The following SETDB2 variants were observed in gnomAD, a reference collection of about 807,000 sequenced individuals.
The protein encoded by SETDB2 is histone-lysine N-methyltransferase SETDB2.
Under a neutral mutation model 82.5 loss-of-function variants are expected in SETDB2, and 56 were observed. The ratio of observed to expected loss-of-function variants is 0.68; its 90% confidence interval spans 0.55 to 0.85. The LOEUF is 0.85. SETDB2 is among the 40% of genes least tolerant of loss of function. The pLI is 0.00. For synonymous variants in SETDB2, 272 were observed against 284.9 expected (o/e 0.95, Z 0.46); for missense variants, 677 against 816.4 (o/e 0.83, Z 2.08).
chr13:49,464,522 C>CT (rs1401730369), intron 4 of SETDB2, among the ~76,000 whole-genome samples: 1 of 152,038 alleles, frequency 6.6e-6, no homozygotes, highest in East Asian at 1.9e-4. Context: ...TCTGAAGAAC[C>CT]TTTTTTTCCG....
rs979277552 is a variant in SETDB2, at chr13:49,494,164, G to C, written c.*2315G>C. The C allele has an allele frequency of 1.3e-5, 2 of 151,700 alleles. No individual in the cohort carries two copies. Among genetic ancestry groups the C allele is most frequent in the Admixed American group, 6.6e-5 (1 of 15,238 alleles). 9.4% of individuals were successfully genotyped at this position (151,700 alleles called of 1,614,324 possible). A position where few individuals can be genotyped will look rare whatever the true frequency, so the allele number is the denominator to read the frequency against. On this transcript the variant is annotated 3_prime_UTR_variant, in exon 14 of 14. Coordinates refer to ENST00000611815, the MANE Select transcript of SETDB2 (RefSeq NM_001160308.3). ...TCATCTGTTGCATTTTATTTTTCTA[G>C]TCTCATATTGTCTCATATTTTTAAT... is the stretch of plus-strand genomic sequence containing the variant.
chr13:49,494,993 T>G lies in SETDB2; in HGVS notation c.*3144T>G, dbSNP rs1343609765. On this transcript the variant is annotated 3_prime_UTR_variant, in exon 14 of 14. Transcript: ENST00000611815. The stretch of plus-strand genomic sequence containing the variant: ...TGGGTGCTAAATAAAGGCTTGCTAC[T>G]GGCAACTGGATTTAGGATCGGCTAA... The G allele has an allele frequency of 6.6e-6, 1 of 152,108 alleles. No homozygotes were observed. Among genetic ancestry groups the G allele is most frequent in the African/African-American group, 2.4e-5 (1 of 41,430 alleles). The allele number at this position is 152,108 out of a possible 1,614,324, so 9.4% of individuals were successfully genotyped here.
intron 11 of SETDB2, among the ~76,000 whole-genome samples, chr13:49,486,296 C>A (rs1386385673): frequency 1.1e-4 from 10 of 93,784 alleles, no homozygotes; most frequent in African/African-American, 2.6e-4. Context: ...AGAACAAGAC[C>A]CTGTCTCAAA....
At position 49,488,507 on chromosome 13, in the gene SETDB2, T is replaced by G. The variant is rs745358249; in HGVS notation, c.1794T>G (p.Phe598Leu). 3.1e-6 allele frequency: 5 copies of G among 1,614,022 alleles called. No individual in the cohort carries two copies. Among genetic ancestry groups the G allele is most frequent in the Non-Finnish European group, 4.2e-6 (5 of 1,180,016 alleles). ...CAGCATGTCAAAGACAGCAGGTATT[T>G]TGTGATGAAGAGTTGCTAAGTGAAA... is the stretch of plus-strand genomic sequence containing the variant. ...RSTACQRQQV[F>L]CDEELLSETK... is the part of the protein sequence containing the mutation. The change falls in exon 12 of 14, where the codon TTT becomes TTG. Residue 598 changes from phenylalanine (F) to leucine (L), a missense_variant. Around this residue, in one of 3 missense-constraint regions of SETDB2, gnomAD observed 420 missense variants for 554.6 expected, o/e 0.76. Transcript: ENST00000611815.
At chr13:49,482,645 G>C in intron 8 of SETDB2, 92 bp from the exon 9 acceptor site, 1 of 813,130 alleles carries the variant, frequency 1.2e-6, no homozygotes, top group Non-Finnish European at 1.9e-6. Context: ...GAATGTGTGG[G>C]TTCTTTAGTC....
Position 49,493,231 on chromosome 13 carries a change from A to G in SETDB2, c.*1382A>G, listed in dbSNP as rs755102116. On this transcript the variant is annotated 3_prime_UTR_variant, in exon 14 of 14. Transcript: ENST00000611815. The stretch of plus-strand genomic sequence containing the variant: ...ACAGATGAAGAAAGTTGAGAAATCC[A>G]TTTATTCACCATAGAGACGCAGGAA... 6.6e-6 allele frequency: 1 copy of G among 152,180 alleles called. No individual in the cohort carries two copies. Among genetic ancestry groups the G allele is most frequent in the Non-Finnish European group, 1.5e-5 (1 of 68,032 alleles). 9.4% of individuals were successfully genotyped at this position (152,180 alleles called of 1,614,324 possible). A position where few individuals can be genotyped will look rare whatever the true frequency, so the allele number is the denominator to read the frequency against.
intron 10 of SETDB2, 61 bp downstream of exon 10, chr13:49,483,624 T>G: frequency 1.0e-5 from 5 of 476,432 alleles, no homozygotes; most frequent in South Asian, 5.2e-5. Context: ...TTTTTTTTTT[T>G]TTTTTTTTTT....
intron 3 of SETDB2, 104 bp downstream of exon 3, chr13:49,460,336 A>T (rs1469898686): frequency 8.4e-7 from 1 of 1,195,520 alleles, no homozygotes; most frequent in Non-Finnish European, 1.1e-6. Context: ...AAGTAGATGG[A>T]TGTAATTACT....
intron 4 of SETDB2, chr13:49,464,073 C>G (rs67216195): frequency 2.6e-6 from 2 of 774,624 alleles, no homozygotes; most frequent in Non-Finnish European, 4.8e-6. Context: ...TTTGAGAGCA[C>G]ATTATACCAC....
rs530214959 is a variant in SETDB2, at chr13:49,487,376, C to T, written c.1577-914C>T. Among the ~76,000 whole-genome samples the T allele has an allele frequency of 5.3e-5, 8 of 152,164 alleles. No individual in the cohort carries two copies. The East Asian group carries it at 1.5e-3, about 29-fold the overall frequency. On this transcript the variant is annotated intron_variant, in intron 11 of 13. Transcript: ENST00000611815. Reference sequence around the variant, plus strand: ...AGAGAGACAGCGACTCATTCTGTCACCCAAGCTGGAGTGCAGTGGTGGGAT... The same window carrying T: ...AGAGAGACAGCGACTCATTCTGTCATCCAAGCTGGAGTGCAGTGGTGGGAT...
intron 8 of SETDB2, chr13:49,481,908 A>C: frequency 3.6e-6 from 1 of 280,366 alleles, no homozygotes; most frequent in Non-Finnish European, 5.4e-6. Flanking sequence ...AATCAGGTTT[A>C]ATCTGTTTAC....
chr13:49,489,593 A>ATTT (rs1287268035), intron 12 of SETDB2, among the ~76,000 whole-genome samples: 3 of 61,714 alleles, frequency 4.9e-5, no homozygotes, highest in African/African-American at 1.7e-4. Context: ...CATCATATTT[A>ATTT]TTCTTTTTTT....
In SETDB2 at chr13:49,451,786, C is replaced by T; in HGVS notation, c.-108C>T. 1 of 766,596 alleles carries T rather than the reference C, an allele frequency of 1.3e-6. No individual in the cohort carries two copies. The highest frequency in any genetic ancestry group is 2.1e-6 in the Non-Finnish European group (1 of 474,462). 47.5% of individuals were successfully genotyped at this position (766,596 alleles called of 1,614,324 possible). A position where few individuals can be genotyped will look rare whatever the true frequency, so the allele number is the denominator to read the frequency against. Reference sequence around the variant, plus strand: ...TATAATGATGTATTTTGTCTGAGGACTGCAAATTTTATAGAGACCACAGTT... The same window carrying T: ...TATAATGATGTATTTTGTCTGAGGATTGCAAATTTTATAGAGACCACAGTT... On this transcript the variant is annotated 5_prime_UTR_variant, in exon 2 of 14. Coordinates refer to ENST00000611815, the MANE Select transcript of SETDB2 (RefSeq NM_001160308.3).
rs1158823640 is a variant in SETDB2, at chr13:49,480,939, G to A, written c.987-8G>A. On this transcript the variant is annotated splice_polypyrimidine_tract_variant and splice_region_variant and intron_variant, in intron 7 of 13. Transcript: ENST00000611815. Reference sequence around the variant, plus strand: ...TCTGATTTTCTCTTTTGCATATTTTGTTGACAGCATTTATGAATGCAGCCT... The same window carrying A: ...TCTGATTTTCTCTTTTGCATATTTTATTGACAGCATTTATGAATGCAGCCT... The A allele has an allele frequency of 1.2e-6, 2 of 1,613,532 alleles. No homozygotes were observed. The highest frequency in any genetic ancestry group is 1.7e-6 in the Non-Finnish European group (2 of 1,179,698).
At chr13:49,459,015 T>C (rs1957943867) in intron 2 of SETDB2, among the ~76,000 whole-genome samples, 1 of 152,270 alleles carries the variant, frequency 6.6e-6, no homozygotes, top group African/African-American at 2.4e-5. Flanking sequence ...TCCTCTTACA[T>C]TGCTCTTGTT....
chr13:49,463,514 G>A (rs796900423), intron 4 of SETDB2, among the ~76,000 whole-genome samples: 23 of 152,282 alleles, frequency 1.5e-4, no homozygotes, highest in African/African-American at 4.6e-4. Flanking sequence ...GGCATGAAGC[G>A]TAGTGGCATG....
Position 49,485,698 on chromosome 13 carries a change from G to A in SETDB2, c.1551G>A (p.Leu517=), listed in dbSNP as rs1958584047. Residue 517 remains leucine (L), a synonymous_variant, in exon 11 of 14, where the codon CTG becomes CTA. Transcript: ENST00000611815. ...GATTTAAACCACCCCGAGAGCATCT[G>A]AACTCTAAAACCAAGGGAGCACAAA... ...NDGFKPPREH[L]NSKTKGAQKD... is the part of the protein sequence containing the mutation. The A allele has an allele frequency of 6.2e-7, 1 of 1,613,902 alleles. No individual in the cohort carries two copies. Among genetic ancestry groups the A allele is most frequent in the African/African-American group, 1.3e-5 (1 of 74,882 alleles).
At chr13:49,485,894 C>G (rs1958588504) in intron 11 of SETDB2, 171 bp downstream of exon 11, 3 of 750,300 alleles carry the variant, frequency 4.0e-6, no homozygotes, top group Non-Finnish European at 7.4e-6. Context: ...TGGGCCAAAT[C>G]TGGCCCTCTA....
intron 3 of SETDB2, 149 bp downstream of exon 3, chr13:49,460,381 A>C: frequency 5.3e-5 from 45 of 842,830 alleles, no homozygotes; most frequent in Non-Finnish European, 6.7e-5. Context: ...TTTTTATCTC[A>C]AGCTACTTTT....
Sources: allele counts gnomAD v4.1 joint callset (sites outside exome capture counted in the v4.1 genomes callset), GRCh38; gene constraint gnomAD v4.1.1; regional missense constraint gnomAD v4.1.1; transcripts MANE v1.5; gene names NCBI Gene and HGNC (gene_info 2026-07-23, HGNC 2026-07-21).